Variants in PCDHGA12 observed in about 807,000 individuals in gnomAD.
The protein encoded by PCDHGA12 is protocadherin gamma-A12.
In PCDHGA12, 43 loss-of-function variants were observed where a neutral mutation model predicts 61.1. That is an observed-to-expected ratio of 0.70 (90% confidence interval 0.55 to 0.91). The LOEUF is 0.91. PCDHGA12 is among the 40% of genes least tolerant of loss of function. PCDHGA12 has a pLI of 0.00. For missense variants in PCDHGA12, 1,236 were observed against 1,227.7 expected, an observed-to-expected ratio of 1.01 and a Z score of -0.10; for synonymous variants, 520 against 542.9, an observed-to-expected ratio of 0.96 and a Z score of 0.59.
rs753936459 is a variant in PCDHGA12 at position 141,501,288 on chromosome 5, TATAC to T, written c.2484-4103_2484-4100del. Among the ~76,000 whole-genome samples the T allele has an allele frequency of 4.5e-4, 37 of 81,322 alleles. No homozygotes were observed. The South Asian group carries it at 5.1e-3, about 11-fold the overall frequency. 53.4% of individuals were successfully genotyped at this position (81,322 alleles called of 152,430 possible). A position where few individuals can be genotyped will look rare whatever the true frequency, so the allele number is the denominator to read the frequency against. ...TAGTCCAGTCTATGGGATATTCCCT[TATAC>T]ACACACACACACACACACACACACA... On this transcript the variant is annotated intron_variant, in intron 2 of 3. Coordinates refer to ENST00000252085, the MANE Select transcript of PCDHGA12 (RefSeq NM_003735.3).
intron 1 of PCDHGA12, among the ~76,000 whole-genome samples, chr5:141,484,419 A>G (rs978469951): frequency 1.3e-5 from 2 of 152,206 alleles, no homozygotes; most frequent in Non-Finnish European, 2.9e-5. Flanking sequence ...TCCTGTTACA[A>G]TGAGAACATG....
rs745457172 is a variant in PCDHGA12 at position 141,490,744 on chromosome 5, C to T, written c.2425-4063C>T. The stretch of plus-strand genomic sequence containing the variant: ...TGTAGGAAATCAGGTTCAGGGAGCC[C>T]CAGCCTCCTCCTTTGTGTATGTCAA... On this transcript the variant is annotated intron_variant, in intron 1 of 3. Coordinates refer to ENST00000252085, the MANE Select transcript of PCDHGA12 (RefSeq NM_003735.3). The surrounding 1 kb of genome is among the most constrained non-coding windows in gnomAD (Gnocchi z 5.4). 1 of 1,614,142 alleles carries T rather than the reference C, an allele frequency of 6.2e-7. No homozygotes were observed. Among genetic ancestry groups the T allele is most frequent in the Non-Finnish European group, 8.5e-7 (1 of 1,180,006 alleles).
intron 1 of PCDHGA12, among the ~76,000 whole-genome samples, chr5:141,481,109 A>G (rs959629019): frequency 6.6e-6 from 1 of 152,186 alleles, no homozygotes; most frequent in Non-Finnish European, 1.5e-5. Flanking sequence ...GGAACCTACC[A>G]ATCCATCATT....
rs1298757358 is a variant in PCDHGA12, at chr5:141,433,174, G to A, written c.2415G>A (p.Gly805=). The A allele has an allele frequency of 6.2e-7, 1 of 1,610,308 alleles. No individual in the cohort carries two copies. The highest frequency in any genetic ancestry group is 8.5e-7 in the Non-Finnish European group (1 of 1,178,842). The change falls in exon 1 of 4, where the codon GGG becomes GGA. Residue 805 remains glycine (G), a synonymous_variant. Coordinates refer to ENST00000252085, the MANE Select transcript of PCDHGA12 (RefSeq NM_003735.3). ...GDSVFSKDSH[G]LIEQAPPNTD... ...CGGTATTTTCTAAAGACAGTCATGG[G>A]TTAATTGAGGTGAGTTTATATCAAA...
chr5:141,444,093 G>A (rs531514787), intron 1 of PCDHGA12, among the ~76,000 whole-genome samples: 1 of 147,730 alleles, frequency 6.8e-6, no homozygotes, highest in East Asian at 2.0e-4. Flanking sequence ...GTCTGCTAAG[G>A]ATTGGAAACC....
At position 141,491,466 on chromosome 5, in the gene PCDHGA12, T is replaced by C; in HGVS notation, c.2425-3341T>C. The C allele has an allele frequency of 6.2e-7, 1 of 1,614,068 alleles. No homozygotes were observed. The highest frequency in any genetic ancestry group is 8.5e-7 in the Non-Finnish European group (1 of 1,179,986). ...AGGACTCACCCTCCCCGGACTTCTA[T>C]AAGCAGTCCAGCCCCAACCTGCAGG... On this transcript the variant is annotated intron_variant, in intron 1 of 3. Transcript: ENST00000252085. The surrounding 1 kb of genome is among the most constrained non-coding windows in gnomAD (Gnocchi z 6.9).
chr5:141,481,900 C>T (rs949418188), intron 1 of PCDHGA12, among the ~76,000 whole-genome samples: 13 of 126,002 alleles, frequency 1.0e-4, no homozygotes, highest in African/African-American at 3.2e-4. Flanking sequence ...GGTGAAAGAG[C>T]GAAACTCCAT....
Position 141,489,576 on chromosome 5 carries a change from C to G in PCDHGA12, c.2425-5231C>G. 6.2e-7 allele frequency: 1 copy of G among 1,614,054 alleles called. No individual in the cohort carries two copies. Among genetic ancestry groups the G allele is most frequent in the Non-Finnish European group, 8.5e-7 (1 of 1,179,976 alleles). On this transcript the variant is annotated intron_variant, in intron 1 of 3. Coordinates refer to ENST00000252085, the MANE Select transcript of PCDHGA12 (RefSeq NM_003735.3). This position sits in a 1 kb window ranked among gnomAD's most constrained non-coding sequence, Gnocchi z 4.5. ...TGCCAGTGCAGGTGGTGACTGAACA[C>G]CCCCTGGAGCTAATCCGTGTAGAGG...
intron 1 of PCDHGA12, among the ~76,000 whole-genome samples, chr5:141,453,490 G>A (rs921556476): frequency 6.6e-6 from 1 of 151,922 alleles, no homozygotes; most frequent in Admixed American, 6.6e-5. Flanking sequence ...TTAAAAAAAG[G>A]TGTACTCAGA....
intron 1 of PCDHGA12, among the ~76,000 whole-genome samples, chr5:141,437,390 A>T (rs1422429346): frequency 6.6e-6 from 1 of 152,248 alleles, no homozygotes; most frequent in Non-Finnish European, 1.5e-5. Flanking sequence ...ACATTCATCC[A>T]CTGCTTTCAT....
At chr5:141,474,997 A>C (rs2154572220) in intron 1 of PCDHGA12, among the ~76,000 whole-genome samples, 1 of 152,376 alleles carries the variant, frequency 6.6e-6, no homozygotes, top group African/African-American at 2.4e-5. Flanking sequence ...ACAATTCTAA[A>C]TGCAGAAAAG....
Position 141,486,682 on chromosome 5 carries a change from A to C in PCDHGA12, c.2425-8125A>C, listed in dbSNP as rs781547951. 1.4e-5 allele frequency: 22 copies of C among 1,614,064 alleles called. No individual in the cohort carries two copies. The African/African-American group carries it at 2.3e-4, about 17-fold the overall frequency. ...TGGAGCCCAGGAATCGAGATGTATC[A>C]GCTTCCTCTTTCATCTCTCTGAACC... On this transcript the variant is annotated intron_variant, in intron 1 of 3. Coordinates refer to ENST00000252085, the MANE Select transcript of PCDHGA12 (RefSeq NM_003735.3). The surrounding 1 kb of genome is among the most constrained non-coding windows in gnomAD (Gnocchi z 5.0).
chr5:141,434,566 G>A (rs1280487112), intron 1 of PCDHGA12, among the ~76,000 whole-genome samples: 1 of 152,196 alleles, frequency 6.6e-6, no homozygotes, highest in African/African-American at 2.4e-5. Flanking sequence ...TTAAGGACAT[G>A]CCCCTGCTGC....
chr5:141,460,172 G>T (rs545017378), intron 1 of PCDHGA12, among the ~76,000 whole-genome samples: 1 of 151,852 alleles, frequency 6.6e-6, no homozygotes, highest in South Asian at 2.1e-4. Flanking sequence ...ATATTTTGTG[G>T]ATATTTTATC....
At chr5:141,468,330 C>CAAAAAAAAAAAA (rs533390277) in intron 1 of PCDHGA12, 1 of 79,864 alleles carries the variant, frequency 1.3e-5, no homozygotes, top group African/African-American at 3.9e-5. Context: ...AACTCCATCT[C>CAAAAAAAAAAAA]AAAAAAAAAA....
In PCDHGA12 at chr5:141,489,423, C is replaced by A. The variant is rs754178145; in HGVS notation, c.2425-5384C>A. 7.4e-6 allele frequency: 12 copies of A among 1,613,982 alleles called. No homozygotes were observed. Among genetic ancestry groups the A allele is most frequent in the Non-Finnish European group, 1.0e-5 (12 of 1,180,044 alleles). On this transcript the variant is annotated intron_variant, in intron 1 of 3. Transcript: ENST00000252085. The surrounding 1 kb of genome is among the most constrained non-coding windows in gnomAD (Gnocchi z 4.5). Reference sequence around the variant, plus strand: ...GCTTAAAGATGACAGATCTGTTGAGCCGGCGGCTGCAATTGGGCTCTGAGG... The same window carrying A: ...GCTTAAAGATGACAGATCTGTTGAGACGGCGGCTGCAATTGGGCTCTGAGG...
In PCDHGA12 at chr5:141,505,090, A is replaced by C. The variant is rs1018571873; in HGVS notation, c.2484-303A>C. Among the ~76,000 whole-genome samples the C allele has an allele frequency of 3.9e-5, 6 of 152,188 alleles. 1 individual carries two copies. The South Asian group carries it at 1.2e-3, about 31-fold the overall frequency. ...GGCAGGAGAATCGCTTGAACCCAGG[A>C]GGTGGATGTTGCAATGAGCCAAGAT... On this transcript the variant is annotated intron_variant, in intron 2 of 3. Transcript: ENST00000252085.
chr5:141,474,961 A>G (rs1395755491), intron 1 of PCDHGA12, among the ~76,000 whole-genome samples: 1 of 152,254 alleles, frequency 6.6e-6, no homozygotes, highest in South Asian at 2.1e-4. Flanking sequence ...TCACTATCCT[A>G]ATCATTATAA....
At chr5:141,441,911 T>TGAG in intron 1 of PCDHGA12, 1 of 348,148 alleles carries the variant, frequency 2.9e-6, no homozygotes, top group Non-Finnish European at 5.5e-6. Context: ...GACGCAGATG[T>TGAG]GAGACACAAT....
Sources: gnomAD v4.1 joint callset for allele counts (sites outside exome capture counted in the v4.1 genomes callset) on GRCh38, gnomAD v4.1.1 for gene constraint, Gnocchi (gnomAD v3.1) non-coding constraint, MANE v1.5 for transcripts, NCBI Gene and HGNC (gene_info 2026-07-23, HGNC 2026-07-21) for gene names.